The following NCOR2 variants were observed in gnomAD, a reference collection of about 807,000 sequenced individuals.
NCOR2 encodes the protein nuclear receptor corepressor 2, also known as CTG repeat protein 26.
Under a neutral mutation model 262.9 loss-of-function variants are expected in NCOR2, and 81 were observed. That is an observed-to-expected ratio of 0.31 (90% CI 0.26 to 0.37). The LOEUF (loss-of-function observed/expected upper bound fraction) is 0.37. Among genes scored for constraint, NCOR2 ranks in the 10% least tolerant of loss-of-function variants. The pLI, the probability that NCOR2 is intolerant of heterozygous loss-of-function variation, is 1.00. For missense variants in NCOR2, 3,385 were observed against 3,621.4 expected (o/e 0.93, Z 1.68); for synonymous variants, 1,659 against 1,559.3 (o/e 1.06, Z -1.51).
chr12:124,325,387 CCG>C lies in NCOR2; in HGVS notation c.*13_*14del, dbSNP rs1491515245. 1.6e-4 allele frequency: 104 copies of C among 655,982 alleles called. 1 individual carries two copies. The highest frequency in any genetic ancestry group is 2.0e-4 in the Non-Finnish European group (95 of 467,890). The allele number at this position is 655,982 out of a possible 1,614,324, so 40.6% of individuals were successfully genotyped here. A position where few individuals can be genotyped will look rare whatever the true frequency, so the allele number is the denominator to read the frequency against. ...CTGGGACCTGACACCGCCCCCCCCC[CCG>C]CCCTGTTCTGAGTCACTCGCTGTCG... On this transcript the variant is annotated 3_prime_UTR_variant, in exon 47 of 47. Coordinates refer to ENST00000405201, the Ensembl canonical transcript of NCOR2.
intron 7 of NCOR2, among the ~76,000 whole-genome samples, chr12:124,446,718 C>A (rs1040384511): frequency 6.6e-6 from 1 of 151,942 alleles, no homozygotes; most frequent in African/African-American, 2.4e-5. Context: ...AATGACTGCA[C>A]AATGAAATTT....
At chr12:124,361,814 G>A (rs1270249111) in intron 22 of NCOR2, among the ~76,000 whole-genome samples, 1 of 111,824 alleles carries the variant, frequency 8.9e-6, no homozygotes. Context: ...GAGAAACCAG[G>A]GACCAGGGGG....
intron 1 of NCOR2, among the ~76,000 whole-genome samples, chr12:124,558,271 C>CT (rs1024940263): frequency 1.3e-5 from 2 of 151,304 alleles, no homozygotes; most frequent in Admixed American, 6.6e-5. Flanking sequence ...CACCCACCCC[C>CT]CCTCCAGACC....
At chr12:124,509,686 G>A (rs528168435) in intron 1 of NCOR2, among the ~76,000 whole-genome samples, 2 of 152,324 alleles carry the variant, frequency 1.3e-5, no homozygotes, top group South Asian at 2.1e-4. Flanking sequence ...GGGCCAGGCA[G>A]GAGCCAGGGA....
At chr12:124,510,906 CATCAGAACCCGGA>C (rs2049360205) in intron 1 of NCOR2, among the ~76,000 whole-genome samples, 1 of 152,224 alleles carries the variant, frequency 6.6e-6, no homozygotes, top group South Asian at 2.1e-4. Flanking sequence ...TGACCTCCCT[CATCAGAACCCGGA>C]ATCTGGACTC....
chr12:124,448,414 C>A (rs1237166512), intron 7 of NCOR2, among the ~76,000 whole-genome samples: 1 of 152,196 alleles, frequency 6.6e-6, no homozygotes, highest in Non-Finnish European at 1.5e-5. Context: ...CCCGCCAGGC[C>A]GATGAGGAGC....
Position 124,561,443 on chromosome 12 carries a change from G to A in NCOR2, c.-165+5865C>T, listed in dbSNP as rs532710939. On this transcript the variant is annotated intron_variant, in intron 1 of 32. Transcript: ENST00000458234. ...GAGACTCCCCCAACAGCTTTGGGCA[G>A]TTTTAATACCCAATGCCCCACGTGG... 5.3e-4 allele frequency among the ~76,000 whole-genome samples: 80 copies of A among 152,340 alleles called. 3 individuals carry two copies. The South Asian group carries it at 0.014, about 26-fold the overall frequency.
chr12:124,329,202 T>C, intron 44 of NCOR2: 1 of 463,658 alleles, frequency 2.2e-6, no homozygotes. Flanking sequence ...TGCTCACGCC[T>C]GTAATCCCAG....
chr12:124,448,880 C>T (rs933299412), intron 7 of NCOR2, among the ~76,000 whole-genome samples: 4 of 152,190 alleles, frequency 2.6e-5, no homozygotes, highest in African/African-American at 7.2e-5. Context: ...AGCTAAACGC[C>T]TCCCTTTGCA....
intron 16 of NCOR2, among the ~76,000 whole-genome samples, chr12:124,390,948 C>T (rs961816569): frequency 6.6e-6 from 1 of 152,248 alleles, no homozygotes; most frequent in African/African-American, 2.4e-5. Context: ...AGGGGCCCGG[C>T]GGCCACGGGA....
upstream of NCOR2, among the ~76,000 whole-genome samples, chr12:124,499,959 G>A (rs141341723): frequency 3.3e-3 from 500 of 152,234 alleles, 1 homozygote; most frequent in South Asian, 6.0e-3. Context: ...TCAGGAGGGA[G>A]GCTGACTCTG....
At position 124,328,354 on chromosome 12, in the gene NCOR2, G is replaced by A. The variant is rs558460457; in HGVS notation, c.6959-721C>T. On this transcript the variant is annotated intron_variant, in intron 44 of 46. Coordinates refer to ENST00000405201, the Ensembl canonical transcript of NCOR2. ...CCATGCAGTTACGGTGCGTGCAGGG[G>A]ACAGGGCAGAAGTAGACACAATCAC... Among the ~76,000 whole-genome samples, 3 of 152,288 alleles carry A rather than the reference G, an allele frequency of 2.0e-5. No individual in the cohort carries two copies. The South Asian group carries it at 6.2e-4, about 32-fold the overall frequency.
chr12:124,423,974 T>C (rs1446792693), intron 11 of NCOR2, among the ~76,000 whole-genome samples: 5 of 152,316 alleles, frequency 3.3e-5, no homozygotes, highest in Admixed American at 6.5e-5. Flanking sequence ...TCAATTCCTC[T>C]GCACATGAGA....
In NCOR2 at chr12:124,348,145, G is replaced by A. The variant is rs111954208; in HGVS notation, c.3985+29C>T. The A allele has an allele frequency of 2.1e-4, 343 of 1,606,282 alleles. 3 individuals are homozygous for A. In the Middle Eastern group the frequency reaches 2.6e-3, roughly 12 times the overall value. Reference sequence around the variant, plus strand: ...CCCCCACCGCCCACCAGGGGGCACCGAGAGATGAAGTCTCCTCCCTGCTAT... The same window carrying A: ...CCCCCACCGCCCACCAGGGGGCACCAAGAGATGAAGTCTCCTCCCTGCTAT... On this transcript the variant is annotated intron_variant, in intron 29 of 46. Coordinates refer to ENST00000405201, the Ensembl canonical transcript of NCOR2.
At chr12:124,344,912 C>T in exon 32 of NCOR2, 1 of 1,572,754 alleles carries the variant, frequency 6.4e-7, no homozygotes, top group Non-Finnish European at 8.6e-7. Context: ...TTTTTGGAGC[C>T]AGTGGTGGAC....
rs566634632 is a variant in NCOR2, at chr12:124,395,707, T to TG, written c.1876+2411dup. 2.0e-3 allele frequency among the ~76,000 whole-genome samples: 303 copies of TG among 150,348 alleles called. 1 individual carries two copies. Among genetic ancestry groups the TG allele is most frequent in the African/African-American group, 7.0e-3 (288 of 40,872 alleles). The stretch of plus-strand genomic sequence containing the variant: ...AGGCAATGGGCGGTGGGGGCGGGGG[T>TG]GGTCACCGGTGAGGAGGTGGTAGTG... On this transcript the variant is annotated intron_variant, in intron 16 of 46. Coordinates refer to ENST00000405201, the Ensembl canonical transcript of NCOR2.
Position 124,566,100 on chromosome 12 carries a change from AG to A in NCOR2, c.-165+1207del, listed in dbSNP as rs1232233781. 6.6e-6 allele frequency among the ~76,000 whole-genome samples: 1 copy of A among 151,844 alleles called. No individual in the cohort carries two copies. Among genetic ancestry groups the A allele is most frequent in the Admixed American group, 6.6e-5 (1 of 15,250 alleles). On this transcript the variant is annotated intron_variant, in intron 1 of 32. Coordinates refer to the NCOR2 transcript ENST00000458234. This position sits in a 1 kb window ranked among gnomAD's most constrained non-coding sequence, Gnocchi z 4.3. ...CCCAGAACTCCCCCACCCCGCCCAC[AG>A]GGTCCTCCCCTTATCCCCTCCTCCC...
chr12:124,433,102 G>C (rs917879075), intron 8 of NCOR2, among the ~76,000 whole-genome samples: 1 of 152,100 alleles, frequency 6.6e-6, no homozygotes, highest in Non-Finnish European at 1.5e-5. Context: ...CTCCATCCTC[G>C]ACAGCCCCGT....
intron 11 of NCOR2, among the ~76,000 whole-genome samples, chr12:124,426,190 G>A (rs1383045591): frequency 2.0e-5 from 3 of 152,154 alleles, no homozygotes; most frequent in Non-Finnish European, 4.4e-5. Flanking sequence ...CTCAGAATGC[G>A]GCCTTATTTG....
Sources: gnomAD v4.1 joint callset for allele counts (sites outside exome capture counted in the v4.1 genomes callset) on GRCh38, gnomAD v4.1.1 for gene constraint, Gnocchi (gnomAD v3.1) non-coding constraint, MANE v1.5 for transcripts, NCBI Gene and HGNC (gene_info 2026-07-23, HGNC 2026-07-21) for gene names.